Variants in EPM2A observed in about 807,000 individuals in gnomAD.
EPM2A encodes the protein laforin.
A neutral mutation model predicts 26.5 loss-of-function variants in EPM2A; 21 were observed. The observed-to-expected ratio is 0.79, with a 90% CI of 0.56 to 1.14. The LOEUF (loss-of-function observed/expected upper bound fraction) is 1.14. Among genes scored for constraint, EPM2A ranks in the 50% most tolerant of loss-of-function variants. EPM2A has a pLI of 0.00. For synonymous variants in EPM2A, 217 were observed against 177.6 expected (o/e 1.22, Z -1.76); for missense variants, 458 against 440.8 (o/e 1.04, Z -0.35).
intron 3 of EPM2A, chr6:145,633,846 A>T (rs1014721199): frequency 1.3e-5 from 2 of 152,240 alleles, no homozygotes; most frequent in Non-Finnish European, 2.9e-5. Flanking sequence ...CATAGCTGGT[A>T]AAGTTGCTGT....
intron 2 of EPM2A, among the ~76,000 whole-genome samples, chr6:145,539,011 G>A (rs1780471600): frequency 6.6e-6 from 1 of 152,214 alleles, no homozygotes; most frequent in African/African-American, 2.4e-5. Context: ...GCCAGGCACA[G>A]TTTTGTACAT....
intron 1 of EPM2A, among the ~76,000 whole-genome samples, chr6:145,700,825 A>G (rs1781869995): frequency 6.6e-6 from 1 of 152,222 alleles, no homozygotes; most frequent in South Asian, 2.1e-4. Flanking sequence ...AAGATTTTCC[A>G]GAATGTGGAC....
intron 2 of EPM2A, among the ~76,000 whole-genome samples, chr6:145,614,785 C>A (rs1254540703): frequency 1.3e-5 from 2 of 152,206 alleles, no homozygotes; most frequent in Non-Finnish European, 2.9e-5. Flanking sequence ...CAACATCAAA[C>A]ATCACAGATC....
chr6:145,413,256 T>C (rs1778666584), intron 4 of EPM2A, among the ~76,000 whole-genome samples: 2 of 152,190 alleles, frequency 1.3e-5, no homozygotes, highest in African/African-American at 4.8e-5. Flanking sequence ...TGTAGTTGCC[T>C]GGTTATATTT....
At chr6:145,518,880 G>C (rs1300420496) in intron 2 of EPM2A, among the ~76,000 whole-genome samples, 1 of 152,142 alleles carries the variant, frequency 6.6e-6, no homozygotes, top group Non-Finnish European at 1.5e-5. Flanking sequence ...GTGCAACTGT[G>C]AGATGCCAAC....
intron 4 of EPM2A, among the ~76,000 whole-genome samples, chr6:145,472,947 G>A (rs1779495134): frequency 6.6e-6 from 1 of 151,792 alleles, no homozygotes; most frequent in South Asian, 2.1e-4. Context: ...AAGCCCAGAT[G>A]GTGAAAACTA....
chr6:145,418,596 T>C (rs1174537531), intron 4 of EPM2A, among the ~76,000 whole-genome samples: 2 of 152,200 alleles, frequency 1.3e-5, no homozygotes, highest in Non-Finnish European at 2.9e-5. Context: ...CCGCTACCAG[T>C]TCTTCCTTCC....
intron 1 of EPM2A, among the ~76,000 whole-genome samples, chr6:145,695,670 T>A (rs1781531841): frequency 6.6e-6 from 1 of 152,024 alleles, no homozygotes; most frequent in Non-Finnish European, 1.5e-5. Context: ...CGAAAAAGAC[T>A]TTAAGTCAAA....
At chr6:145,561,989 A>G (rs1043480644) in intron 2 of EPM2A, among the ~76,000 whole-genome samples, 4 of 151,938 alleles carry the variant, frequency 2.6e-5, no homozygotes, top group Admixed American at 6.6e-5. Context: ...ATAGGTGCAA[A>G]CCACCACAAC....
intron 1 of EPM2A, among the ~76,000 whole-genome samples, chr6:145,725,819 C>A (rs1174563774): frequency 6.6e-6 from 1 of 151,770 alleles, no homozygotes; most frequent in East Asian, 1.9e-4. Context: ...TGAAACTAGT[C>A]GAAATGAGAC....
rs1778887911 is a variant in EPM2A, at chr6:145,429,033, A to G, written c.556-44936T>C. ...CAACTGAGCTTTCCAAAGGCAAATGAGTCAGTCAATGAAGTATTTTTAGAT... is the reference window on the plus strand; with the variant it reads ...CAACTGAGCTTTCCAAAGGCAAATGGGTCAGTCAATGAAGTATTTTTAGAT... On this transcript the variant is annotated intron_variant, in intron 4 of 4. Transcript: ENST00000638717. Among the ~76,000 whole-genome samples, 2 of 152,266 alleles carry G rather than the reference A, an allele frequency of 1.3e-5. 1 individual carries two copies. The highest frequency in any genetic ancestry group is 4.1e-4 in the South Asian group (2 of 4,838).
intron 2 of EPM2A, among the ~76,000 whole-genome samples, chr6:145,565,958 T>C (rs1780879182): frequency 6.6e-6 from 1 of 152,172 alleles, no homozygotes; most frequent in Non-Finnish European, 1.5e-5. Context: ...TAAGGCAATG[T>C]TTGGATCAGT....
intron 4 of EPM2A, among the ~76,000 whole-genome samples, chr6:145,397,269 A>G (rs9390316): frequency 0.44 from 66,709 of 151,784 alleles, 14,943 homozygotes; most frequent in East Asian, 0.66. Context: ...CGTCTCTACT[A>G]AAAGTGAAAA....
intron 4 of EPM2A, among the ~76,000 whole-genome samples, chr6:145,411,109 C>T (rs759946971): frequency 1.1e-4 from 17 of 152,106 alleles, no homozygotes; most frequent in Middle Eastern, 3.2e-3. Context: ...TTTATATTTC[C>T]TCTGTGAGAA....
At chr6:145,662,367 CTGAT>C (rs1778781895) in intron 2 of EPM2A, among the ~76,000 whole-genome samples, 1 of 151,856 alleles carries the variant, frequency 6.6e-6, no homozygotes, top group Admixed American at 6.6e-5. Flanking sequence ...ATTTTCTTTC[CTGAT>C]TGATCATTAA....
chr6:145,457,144 C>T (rs111986751), intron 4 of EPM2A, among the ~76,000 whole-genome samples: 1,829 of 152,216 alleles, frequency 0.012, 30 homozygotes, highest in African/African-American at 0.04. Flanking sequence ...AAGAGAAGCA[C>T]AAAATTAATT....
At chr6:145,498,822 C>T (rs905908438), downstream of EPM2A, among the ~76,000 whole-genome samples, 3 of 152,220 alleles carry the variant, frequency 2.0e-5, no homozygotes, top group African/African-American at 4.8e-5. Flanking sequence ...AACTTGGCCC[C>T]ACTCCATCAG....
chr6:145,403,012 C>T (rs1319100479), intron 4 of EPM2A, among the ~76,000 whole-genome samples: 1 of 152,114 alleles, frequency 6.6e-6, no homozygotes, highest in Non-Finnish European at 1.5e-5. Context: ...CTGTAACTTT[C>T]CTCAAACCTG....
chr6:145,479,778 T>C (rs765652856), intron 4 of EPM2A, among the ~76,000 whole-genome samples: 2 of 152,038 alleles, frequency 1.3e-5, no homozygotes, highest in African/African-American at 4.8e-5. Flanking sequence ...TACCTAGCAG[T>C]TGAGTTGATG....
Sources: allele counts gnomAD v4.1 joint callset (sites outside exome capture counted in the v4.1 genomes callset), GRCh38; gene constraint gnomAD v4.1.1; transcripts MANE v1.5; gene names NCBI Gene and HGNC (gene_info 2026-07-23, HGNC 2026-07-21).